Variants in ABLIM3 observed in about 807,000 individuals in gnomAD.
ABLIM3 encodes actin-binding LIM protein 3.
ABLIM3 carries 61 observed loss-of-function variants against 109.5 expected under a neutral mutation model. The observed-to-expected ratio is 0.56, with a 90% CI of 0.45 to 0.69. ABLIM3 has a LOEUF of 0.69. Ranked by LOEUF, ABLIM3 falls within the 30% of genes least tolerant of loss-of-function variation. The pLI, the probability that ABLIM3 is intolerant of heterozygous loss-of-function variation, is 0.00. For missense variants in ABLIM3, 796 were observed against 889.5 expected (o/e 0.89, Z 1.34); for synonymous variants, 300 against 324.8 (o/e 0.92, Z 0.82).
intron 8 of ABLIM3, among the ~76,000 whole-genome samples, chr5:149,221,725 C>T (rs940763680): frequency 1.3e-5 from 2 of 152,130 alleles, no homozygotes; most frequent in Admixed American, 1.3e-4. Flanking sequence ...CAAAATGCTG[C>T]AGGTTCAGGG....
At chr5:149,191,573 CA>C (rs1757481410) in intron 3 of ABLIM3, among the ~76,000 whole-genome samples, 1 of 152,156 alleles carries the variant, frequency 6.6e-6, no homozygotes, top group African/African-American at 2.4e-5. Flanking sequence ...TCATTTGAGC[CA>C]GCACAATACC....
intron 2 of ABLIM3, among the ~76,000 whole-genome samples, chr5:149,182,468 T>G (rs1756553150): frequency 6.6e-6 from 1 of 152,212 alleles, no homozygotes; most frequent in Admixed American, 6.5e-5. Flanking sequence ...CAACAGCTTA[T>G]GCATAATGAG....
intron 6 of ABLIM3, among the ~76,000 whole-genome samples, chr5:149,209,706 G>A (rs920732922): frequency 6.6e-6 from 1 of 152,224 alleles, no homozygotes; most frequent in Non-Finnish European, 1.5e-5. Context: ...ACCTGATTGA[G>A]CGGGGGAGGA....
At chr5:149,183,310 C>A in intron 2 of ABLIM3, 142 bp from the exon 3 acceptor site, 1 of 1,004,154 alleles carries the variant, frequency 1.0e-6, no homozygotes, top group Non-Finnish European at 1.4e-6. Flanking sequence ...TGGCAGTCAT[C>A]CTGATGATGA....
chr5:149,189,951 T>G (rs551230846), intron 3 of ABLIM3, among the ~76,000 whole-genome samples: 1 of 152,138 alleles, frequency 6.6e-6, no homozygotes, highest in Non-Finnish European at 1.5e-5. Context: ...AGCCAAAAAG[T>G]AGAAAAACTC....
chr5:149,219,205 A>C (rs899510942), intron 8 of ABLIM3: 1 of 152,240 alleles, frequency 6.6e-6, no homozygotes, highest in Non-Finnish European at 1.5e-5. Context: ...TCTACCCATT[A>C]GATGCCAACC....
Position 149,258,416 on chromosome 5 carries a change from A to G in ABLIM3, c.*12A>G. 1 of 1,610,856 alleles carries G rather than the reference A, an allele frequency of 6.2e-7. No homozygotes were observed. Among genetic ancestry groups the G allele is most frequent in the Non-Finnish European group, 8.5e-7 (1 of 1,179,074 alleles). ...CCCGGCTGTTCTAGGCAGAGGCTCT[A>G]TAAATATATATGCATTTATATAAAG... On this transcript the variant is annotated 3_prime_UTR_variant, in exon 24 of 24. Transcript: ENST00000309868.
chr5:149,171,308 C>A (rs1755397265), intron 2 of ABLIM3, among the ~76,000 whole-genome samples: 1 of 152,086 alleles, frequency 6.6e-6, no homozygotes, highest in Non-Finnish European at 1.5e-5. Context: ...CTATCATTAT[C>A]ATTATTATTA....
intron 7 of ABLIM3, among the ~76,000 whole-genome samples, chr5:149,215,405 A>G (rs1185969108): frequency 1.3e-5 from 2 of 152,036 alleles, no homozygotes; most frequent in African/African-American, 4.8e-5. Context: ...GGAATATTGG[A>G]GATTTTTTTC....
At chr5:149,247,699 A>T in intron 17 of ABLIM3, 83 bp from the exon 18 acceptor site, 1 of 1,570,828 alleles carries the variant, frequency 6.4e-7, no homozygotes, top group Non-Finnish European at 8.7e-7. Flanking sequence ...GGAGGATGTG[A>T]TCCTCAGCCT....
At chr5:149,226,257 G>T (rs1761271997) in intron 8 of ABLIM3, among the ~76,000 whole-genome samples, 1 of 151,726 alleles carries the variant, frequency 6.6e-6, no homozygotes, top group South Asian at 2.1e-4. Flanking sequence ...AGACTGAGGA[G>T]GGTGGATCAT....
At chr5:149,214,391 G>A (rs535452884) in intron 7 of ABLIM3, among the ~76,000 whole-genome samples, 4 of 152,302 alleles carry the variant, frequency 2.6e-5, no homozygotes, top group Admixed American at 6.5e-5. Flanking sequence ...TCTATCAGCC[G>A]GCACGCCCGG....
intron 10 of ABLIM3, among the ~76,000 whole-genome samples, chr5:149,235,929 AG>A (rs767467396): frequency 1.3e-5 from 2 of 152,222 alleles, no homozygotes; most frequent in Non-Finnish European, 2.9e-5. Context: ...GGACCTAAAA[AG>A]ATGAGGGAAG....
chr5:149,253,820 C>T (rs886261683), intron 23 of ABLIM3, among the ~76,000 whole-genome samples: 7 of 152,160 alleles, frequency 4.6e-5, no homozygotes, highest in Non-Finnish European at 8.8e-5. Flanking sequence ...CTGCCTCTCC[C>T]TCTCCCCAGA....
intron 2 of ABLIM3, among the ~76,000 whole-genome samples, chr5:149,179,799 T>C (rs1369356630): frequency 1.3e-5 from 2 of 152,178 alleles, no homozygotes; most frequent in African/African-American, 4.8e-5. Flanking sequence ...TTAAATTTAA[T>C]TTAAAATTAA....
At position 149,198,532 on chromosome 5, in the gene ABLIM3, G is replaced by A. The variant is rs954123507; in HGVS notation, c.335+130G>A. The stretch of plus-strand genomic sequence containing the variant: ...GCACATTTAGATTTCTGGAACCTCA[G>A]GTGTGGAGGGATCTGATGGGCCAGT... On this transcript the variant is annotated intron_variant, in intron 4 of 23. Transcript: ENST00000309868. The surrounding 1 kb of genome is among the most constrained non-coding windows in gnomAD (Gnocchi z 4.2). 3 of 1,106,704 alleles carry A rather than the reference G, an allele frequency of 2.7e-6. No homozygotes were observed. In the African/African-American group the frequency reaches 4.8e-5, roughly 18 times the overall value. The allele number at this position is 1,106,704 out of a possible 1,614,324, so 68.6% of individuals were successfully genotyped here.
At chr5:149,167,246 G>GT (rs1378002201) in intron 2 of ABLIM3, among the ~76,000 whole-genome samples, 2 of 152,144 alleles carry the variant, frequency 1.3e-5, no homozygotes, top group East Asian at 3.8e-4. Context: ...CTACAGTGGA[G>GT]TTTTTTAGAG....
At chr5:149,183,611 C>G in intron 3 of ABLIM3, 22 bp downstream of exon 3, 1 of 1,506,268 alleles carries the variant, frequency 6.6e-7, no homozygotes, top group Non-Finnish European at 8.9e-7. Context: ...AGCTCCCCCA[C>G]TCTCTTCTTA....
At chr5:149,195,690 G>A (rs570184210) in intron 3 of ABLIM3, among the ~76,000 whole-genome samples, 33 of 152,306 alleles carry the variant, frequency 2.2e-4, no homozygotes, top group South Asian at 1.7e-3. Flanking sequence ...AATTGATTCC[G>A]CAGCCATGAA....
Sources: gnomAD v4.1 joint callset for allele counts (sites outside exome capture counted in the v4.1 genomes callset) on GRCh38, gnomAD v4.1.1 for gene constraint, Gnocchi (gnomAD v3.1) non-coding constraint, MANE v1.5 for transcripts, NCBI Gene and HGNC (gene_info 2026-07-23, HGNC 2026-07-21) for gene names.